MARCHF2: variants seen among roughly 807,000 people sequenced by gnomAD.
MARCHF2 encodes the protein membrane associated ring-CH-type finger 2.
Under a neutral mutation model 24.0 loss-of-function variants are expected in MARCHF2, and 22 were observed. The observed-to-expected ratio is 0.92, with a 90% CI of 0.66 to 1.31. The LOEUF is 1.31. Ranked by LOEUF, MARCHF2 falls within the 50% of genes most tolerant of loss-of-function variation. The pLI, the probability that MARCHF2 is intolerant of heterozygous loss-of-function variation, is 0.00. For missense variants in MARCHF2, 301 were observed against 335.3 expected (o/e 0.90, Z 0.80); for synonymous variants, 154 against 153.0 (o/e 1.01, Z -0.05).
intron 2 of MARCHF2, among the ~76,000 whole-genome samples, chr19:8,425,867 G>A (rs1055583896): frequency 2.0e-5 from 3 of 151,190 alleles, no homozygotes; most frequent in Non-Finnish European, 2.9e-5. Flanking sequence ...CTCCTGCCTT[G>A]GCCTCCCAAA....
At position 8,438,718 on chromosome 19, in the gene MARCHF2, A is replaced by G. The variant is rs1967799126; in HGVS notation, c.*172A>G. The G allele has an allele frequency of 1.8e-6, 1 of 566,924 alleles. No homozygotes were observed. The highest frequency in any genetic ancestry group is 3.0e-6 in the Non-Finnish European group (1 of 334,380). 35.1% of individuals were successfully genotyped at this position (566,924 alleles called of 1,614,324 possible). On this transcript the variant is annotated 3_prime_UTR_variant, in exon 5 of 5. Coordinates refer to ENST00000215555, the MANE Select transcript of MARCHF2 (RefSeq NM_001005415.2). The stretch of plus-strand genomic sequence containing the variant: ...GCCTAGTCTGTGATCCTGTGTGAAG[A>G]TATTTTCAGGGTTTTTTTTTTTTTT...
intron 2 of MARCHF2, among the ~76,000 whole-genome samples, chr19:8,425,356 C>T (rs1967368914): frequency 1.3e-5 from 2 of 150,892 alleles, no homozygotes; most frequent in Admixed American, 1.3e-4. Flanking sequence ...GCTGATATCA[C>T]ACCACTGCAC....
At chr19:8,437,478 A>T (rs1308078751) in intron 4 of MARCHF2, among the ~76,000 whole-genome samples, 1 of 148,692 alleles carries the variant, frequency 6.7e-6, no homozygotes, top group Non-Finnish European at 1.5e-5. Context: ...CAGCGTCCCG[A>T]GTAGCTGGGA....
chr19:8,436,785 G>T (rs1443593414), intron 4 of MARCHF2, among the ~76,000 whole-genome samples: 1 of 146,738 alleles, frequency 6.8e-6, no homozygotes, highest in Non-Finnish European at 1.5e-5. Flanking sequence ...CTCCCCCACA[G>T]GTTCAAGCGA....
chr19:8,431,787 G>A (rs981359276), intron 4 of MARCHF2, among the ~76,000 whole-genome samples: 1 of 152,038 alleles, frequency 6.6e-6, no homozygotes, highest in Admixed American at 6.6e-5. Context: ...GCAGAGAGCC[G>A]ATATTGCGCC....
chr19:8,413,829 C>G lies in MARCHF2; in HGVS notation c.-53+409C>G, dbSNP rs930403289. 34 of 152,328 alleles carry G rather than the reference C, an allele frequency of 2.2e-4. No individual in the cohort carries two copies. In the East Asian group the frequency reaches 6.2e-3, roughly 28 times the overall value. The allele number at this position is 152,328 out of a possible 1,614,324, so 9.4% of individuals were successfully genotyped here. On this transcript the variant is annotated intron_variant, in intron 1 of 4. Coordinates refer to ENST00000215555, the MANE Select transcript of MARCHF2 (RefSeq NM_001005415.2). The stretch of plus-strand genomic sequence containing the variant: ...AATATAATGACCCAGCCACTTTGCA[C>G]AAAGATGCTGAAACAGGATGCCCTG...
Position 8,438,717 on chromosome 19 carries a change from G to T in MARCHF2, c.*171G>T, listed in dbSNP as rs1967799057. ...AGCCTAGTCTGTGATCCTGTGTGAAGATATTTTCAGGGTTTTTTTTTTTTT... is the reference window on the plus strand; with the variant it reads ...AGCCTAGTCTGTGATCCTGTGTGAATATATTTTCAGGGTTTTTTTTTTTTT... On this transcript the variant is annotated 3_prime_UTR_variant, in exon 5 of 5. Coordinates refer to ENST00000215555, the MANE Select transcript of MARCHF2 (RefSeq NM_001005415.2). 85 of 554,960 alleles carry T rather than the reference G, an allele frequency of 1.5e-4. No individual in the cohort carries two copies. Among genetic ancestry groups the T allele is most frequent in the Non-Finnish European group, 1.7e-4 (55 of 324,930 alleles). The allele number at this position is 554,960 out of a possible 1,614,324, so 34.4% of individuals were successfully genotyped here.
chr19:8,416,344 A>G (rs940108456), intron 1 of MARCHF2, among the ~76,000 whole-genome samples: 1 of 148,064 alleles, frequency 6.8e-6, no homozygotes, highest in East Asian at 1.9e-4. Context: ...CTGTCTCAAA[A>G]AAAAAAAAAA....
At chr19:8,415,291 G>A (rs1233604510) in intron 1 of MARCHF2, among the ~76,000 whole-genome samples, 2 of 151,924 alleles carry the variant, frequency 1.3e-5, no homozygotes, top group East Asian at 1.9e-4. Flanking sequence ...AGGAGGCTGA[G>A]GTGGGAGGAT....
At chr19:8,416,063 G>A (rs1568233862) in intron 1 of MARCHF2, among the ~76,000 whole-genome samples, 2 of 152,182 alleles carry the variant, frequency 1.3e-5, no homozygotes, top group East Asian at 3.9e-4. Flanking sequence ...CTACAACATG[G>A]CCAGGCACAG....
rs117114206 is a variant in MARCHF2 at position 8,435,920 on chromosome 19, G to A, written c.583-2468G>A. On this transcript the variant is annotated intron_variant, in intron 4 of 4. Transcript: ENST00000215555. ...CACCCAGGCTGCAGTGCAGTGTGGC[G>A]TGATCATGGCTCACTGCAGCCTCAA... is the stretch of plus-strand genomic sequence containing the variant. Among the ~76,000 whole-genome samples, 89 of 151,194 alleles carry A rather than the reference G, an allele frequency of 5.9e-4. 4 individuals carry two copies. In the East Asian group the frequency reaches 0.016, roughly 28 times the overall value.
chr19:8,438,892 A>T lies in MARCHF2; in HGVS notation c.*346A>T, dbSNP rs73925332. The T allele has an allele frequency of 1.9e-3, 371 of 198,696 alleles. 2 individuals carry two copies. The highest frequency in any genetic ancestry group is 8.2e-3 in the African/African-American group (354 of 43,314). The allele number at this position is 198,696 out of a possible 1,614,324, so 12.3% of individuals were successfully genotyped here. On this transcript the variant is annotated 3_prime_UTR_variant, in exon 5 of 5. Coordinates refer to ENST00000215555, the MANE Select transcript of MARCHF2 (RefSeq NM_001005415.2). ...GCCCTTAAAGCTGGAACATTCCAGC[A>T]AGCTTCTTGCGCTTCTCTGCACCCG...
intron 3 of MARCHF2, among the ~76,000 whole-genome samples, chr19:8,428,649 C>CAAAAAAAAAAAAAAAAAAAA (rs59542078): frequency 6.5e-5 from 2 of 30,620 alleles, no homozygotes; most frequent in African/African-American, 1.3e-4. Flanking sequence ...GACTCTATCT[C>CAAAAAAAAAAAAAAAAAAAA]AAAAAAAAAA....
At position 8,430,262 on chromosome 19, in the gene MARCHF2, CT is replaced by C. The variant is rs1967542137; in HGVS notation, c.373-395del. Among the ~76,000 whole-genome samples, 1 of 152,094 alleles carries C rather than the reference CT, an allele frequency of 6.6e-6. No homozygotes were observed. The highest frequency in any genetic ancestry group is 6.6e-5 in the Admixed American group (1 of 15,248). The stretch of plus-strand genomic sequence containing the variant: ...CCTATAATCCCAGCTACTCGGGAGG[CT>C]GAGGTGGGAGAATCGCTTGAACCTG... On this transcript the variant is annotated intron_variant, in intron 3 of 4. Transcript: ENST00000215555. The surrounding 1 kb of genome is among the most constrained non-coding windows in gnomAD (Gnocchi z 4.4).
In MARCHF2 at chr19:8,421,815, C is replaced by A. The variant is rs1478313680; in HGVS notation, c.-26C>A. On this transcript the variant is annotated 5_prime_UTR_variant, in exon 2 of 5. The change creates a new upstream start codon in the 5' untranslated region. Transcript: ENST00000215555. ...CTCCTGGAACCATGGGCCTCAGGCC[C>A]TGAGGATACGGGGCTCCCGGTGGCC... 6.3e-7 allele frequency: 1 copy of A among 1,586,682 alleles called. No individual in the cohort carries two copies. The highest frequency in any genetic ancestry group is 1.7e-5 in the Admixed American group (1 of 57,358).
chr19:8,415,105 G>A (rs1403235578), intron 1 of MARCHF2, among the ~76,000 whole-genome samples: 1 of 152,160 alleles, frequency 6.6e-6, no homozygotes, highest in Non-Finnish European at 1.5e-5. Flanking sequence ...GACTCAATGA[G>A]ATCTATCTCC....
At chr19:8,413,995 A>C (rs1403725196) in intron 1 of MARCHF2, among the ~76,000 whole-genome samples, 1 of 152,180 alleles carries the variant, frequency 6.6e-6, no homozygotes, top group Non-Finnish European at 1.5e-5. Context: ...AAAGAGGTTA[A>C]GTGTCTTGCC....
chr19:8,434,305 G>A (rs968677724), intron 4 of MARCHF2, among the ~76,000 whole-genome samples: 8 of 151,806 alleles, frequency 5.3e-5, no homozygotes, highest in South Asian at 2.1e-4. Flanking sequence ...GGCTGGTCTC[G>A]AACTCTTGAC....
intron 3 of MARCHF2, among the ~76,000 whole-genome samples, chr19:8,428,674 A>AAAAAAAAAAC: frequency 6.7e-6 from 1 of 148,738 alleles, no homozygotes; most frequent in Non-Finnish European, 1.5e-5. Flanking sequence ...AAAAAAAAAA[A>AAAAAAAAAAC]AAAAAAAAAC....
Sources: allele counts gnomAD v4.1 joint callset (sites outside exome capture counted in the v4.1 genomes callset), GRCh38; gene constraint gnomAD v4.1.1; non-coding constraint Gnocchi (gnomAD v3.1); transcripts MANE v1.5; gene names NCBI Gene and HGNC (gene_info 2026-07-23, HGNC 2026-07-21).